POU6F2: variants seen among roughly 807,000 people sequenced by gnomAD.
The protein encoded by POU6F2 is POU domain, class 6, transcription factor 2.
Under a neutral mutation model 71.3 loss-of-function variants are expected in POU6F2, and 31 were observed. The ratio of observed to expected loss-of-function variants is 0.43; its 90% CI spans 0.33 to 0.59. The LOEUF (loss-of-function observed/expected upper bound fraction) is 0.59, where lower values mean the gene tolerates loss of function less well. Among genes scored for constraint, POU6F2 ranks in the 20% least tolerant of loss-of-function variants. The pLI is 0.04. For missense variants in POU6F2, 783 were observed against 856.8 expected (o/e 0.91, Z 1.07); for synonymous variants, 347 against 355.7 (o/e 0.98, Z 0.27).
At chr7:39,411,001 G>A (rs1197153556) in intron 6 of POU6F2, among the ~76,000 whole-genome samples, 1 of 152,164 alleles carries the variant, frequency 6.6e-6, no homozygotes, top group Non-Finnish European at 1.5e-5. Context: ...AATGGCATCA[G>A]GCACATAATC....
intron 5 of POU6F2, among the ~76,000 whole-genome samples, chr7:39,388,646 C>A (rs1786997779): frequency 6.6e-6 from 1 of 152,142 alleles, no homozygotes; most frequent in Non-Finnish European, 1.5e-5. Flanking sequence ...GAAAAGTTGG[C>A]TGTGGAATGA....
intron 4 of POU6F2, among the ~76,000 whole-genome samples, chr7:39,287,292 G>A (rs4339541): frequency 0.83 from 126,164 of 152,154 alleles, 52,355 homozygotes; most frequent in Admixed American, 0.88. Context: ...GCTAAATATC[G>A]TAGTTCCCTC....
At chr7:39,422,942 G>A (rs528494927) in intron 6 of POU6F2, among the ~76,000 whole-genome samples, 1 of 152,230 alleles carries the variant, frequency 6.6e-6, no homozygotes, top group South Asian at 2.1e-4. Context: ...ATCAACAATG[G>A]TGCAGCAACA....
chr7:39,042,186 A>G (rs987197339), intron 1 of POU6F2, among the ~76,000 whole-genome samples: 9 of 151,978 alleles, frequency 5.9e-5, no homozygotes, highest in Non-Finnish European at 1.3e-4. Context: ...AAAATGATCA[A>G]TTAAAAATGT....
At chr7:39,239,708 C>T (rs760246652) in intron 4 of POU6F2, among the ~76,000 whole-genome samples, 3 of 151,740 alleles carry the variant, frequency 2.0e-5, no homozygotes, top group Non-Finnish European at 4.4e-5. Flanking sequence ...AAGCACTTAA[C>T]GAAGACTAAT....
At chr7:39,233,942 G>A (rs1163842965) in intron 4 of POU6F2, among the ~76,000 whole-genome samples, 3 of 152,108 alleles carry the variant, frequency 2.0e-5, no homozygotes, top group African/African-American at 7.2e-5. Flanking sequence ...GGTATTCGGC[G>A]CAGAGAAAGG....
intron 2 of POU6F2, among the ~76,000 whole-genome samples, chr7:39,122,473 C>T (rs1792061503): frequency 6.6e-6 from 1 of 152,190 alleles, no homozygotes; most frequent in African/African-American, 2.4e-5. Context: ...GTATTTAGCA[C>T]ACAGCCTTAT....
At chr7:39,295,821 G>A (rs1784835677) in intron 4 of POU6F2, among the ~76,000 whole-genome samples, 1 of 152,104 alleles carries the variant, frequency 6.6e-6, no homozygotes, top group Admixed American at 6.5e-5. Context: ...CAAAACACAA[G>A]TAACTTGAGA....
At chr7:39,074,501 A>T (rs747307469) in intron 1 of POU6F2, among the ~76,000 whole-genome samples, 6 of 152,092 alleles carry the variant, frequency 3.9e-5, no homozygotes, top group Non-Finnish European at 7.4e-5. Context: ...AAAAATCTAA[A>T]TTTAAAAAAT....
intron 2 of POU6F2, among the ~76,000 whole-genome samples, chr7:39,143,510 G>A (rs1372974514): frequency 6.6e-6 from 1 of 152,194 alleles, no homozygotes; most frequent in Non-Finnish European, 1.5e-5. Flanking sequence ...TTATTAAATA[G>A]CATTCTATGC....
At position 39,444,443 on chromosome 7, in the gene POU6F2, G is replaced by T. The variant is rs116042607; in HGVS notation, c.1321-7090G>T. Reference sequence around the variant, plus strand: ...TACTAAAATACAAAAAGTTAGCTGCGCATGGTGGTGCATGCCTGTAGTCCC... The same window carrying T: ...TACTAAAATACAAAAAGTTAGCTGCTCATGGTGGTGCATGCCTGTAGTCCC... On this transcript the variant is annotated intron_variant, in intron 7 of 9. Transcript: ENST00000518318. Among the ~76,000 whole-genome samples, 621 of 152,354 alleles carry T rather than the reference G, an allele frequency of 4.1e-3. 6 individuals are homozygous for T. Among genetic ancestry groups the T allele is most frequent in the African/African-American group, 0.014 (578 of 41,588 alleles).
rs181240772 is a variant in POU6F2, at chr7:39,317,462, T to C, written c.599-22180T>C. 2.8e-4 allele frequency among the ~76,000 whole-genome samples: 43 copies of C among 152,346 alleles called. No homozygotes were observed. In the South Asian group the frequency reaches 3.1e-3, roughly 11 times the overall value. ...GGTGCCTGAACAAATGAAGATGTATTCACAACTCAGTTTTTGTGCCAAAGA... is the reference window on the plus strand; with the variant it reads ...GGTGCCTGAACAAATGAAGATGTATCCACAACTCAGTTTTTGTGCCAAAGA... On this transcript the variant is annotated intron_variant, in intron 4 of 9. Transcript: ENST00000518318.
At chr7:39,301,479 G>T (rs1227675036) in intron 4 of POU6F2, among the ~76,000 whole-genome samples, 1 of 152,194 alleles carries the variant, frequency 6.6e-6, no homozygotes, top group African/African-American at 2.4e-5. Flanking sequence ...GTTACCCGTA[G>T]ATCACACACT....
At chr7:39,267,238 A>T (rs1023965957) in intron 4 of POU6F2, among the ~76,000 whole-genome samples, 13 of 152,242 alleles carry the variant, frequency 8.5e-5, no homozygotes, top group Admixed American at 7.2e-4. Context: ...ACAGACGCCC[A>T]TAAAATTACA....
At chr7:39,108,405 T>C (rs377591591) in intron 2 of POU6F2, among the ~76,000 whole-genome samples, 5 of 152,172 alleles carry the variant, frequency 3.3e-5, no homozygotes, top group Non-Finnish European at 5.9e-5. Context: ...ACCCTCTTTC[T>C]TTCCTTCGAC....
At position 39,467,766 on chromosome 7, in the gene POU6F2, A is replaced by T. The variant is rs1412819239; in HGVS notation, c.*3080A>T. 6.6e-6 allele frequency: 1 copy of T among 152,182 alleles called. No individual in the cohort carries two copies. Among genetic ancestry groups the T allele is most frequent in the Non-Finnish European group, 1.5e-5 (1 of 68,060 alleles). 9.4% of individuals were successfully genotyped at this position (152,182 alleles called of 1,614,324 possible). A position where few individuals can be genotyped will look rare whatever the true frequency, so the allele number is the denominator to read the frequency against. ...GAACAAAAAAGCAAAAGGAGCTAGG[A>T]AAAAAACAAAACAAAACAAGTAGAG... On this transcript the variant is annotated 3_prime_UTR_variant, in exon 10 of 10. Transcript: ENST00000518318.
intron 4 of POU6F2, among the ~76,000 whole-genome samples, chr7:39,337,129 CTG>C (rs1041829767): frequency 1.4e-4 from 22 of 152,092 alleles, no homozygotes; most frequent in African/African-American, 4.3e-4. Context: ...TATATAGAAA[CTG>C]AACAAATTGA....
chr7:39,027,297 G>A (rs1584506960), intron 1 of POU6F2, among the ~76,000 whole-genome samples: 1 of 152,122 alleles, frequency 6.6e-6, no homozygotes, highest in Non-Finnish European at 1.5e-5. Flanking sequence ...CACCATTACT[G>A]TACATCAAGC....
chr7:39,197,303 G>A (rs1305519408), intron 2 of POU6F2, among the ~76,000 whole-genome samples: 1 of 152,202 alleles, frequency 6.6e-6, no homozygotes, highest in Non-Finnish European at 1.5e-5. Flanking sequence ...TGTCCAACCC[G>A]ATCCAGGTCT....
Sources: allele counts gnomAD v4.1 joint callset (sites outside exome capture counted in the v4.1 genomes callset), GRCh38; gene constraint gnomAD v4.1.1; transcripts MANE v1.5; gene names NCBI Gene and HGNC (gene_info 2026-07-23, HGNC 2026-07-21).